Variants in ZC3H18 observed in about 807,000 individuals in gnomAD.
The protein encoded by ZC3H18 is zinc finger CCCH-type containing 18, also known as zinc finger CCCH domain-containing protein 18.
ZC3H18 carries 8 observed loss-of-function variants against 106.1 expected under a neutral mutation model. The ratio of observed to expected loss-of-function variants is 0.08; its 90% CI spans 0.04 to 0.14. The LOEUF (loss-of-function observed/expected upper bound fraction) is 0.14. Ranked by LOEUF, ZC3H18 falls within the 10% of genes least tolerant of loss-of-function variation. ZC3H18 has a pLI of 1.00. For synonymous variants in ZC3H18, 635 were observed against 522.1 expected, an observed-to-expected ratio of 1.22 and a Z score of -2.95; for missense variants, 1,318 against 1,278.4, an observed-to-expected ratio of 1.03 and a Z score of -0.47.
rs764360174 is a variant in ZC3H18 at position 88,599,772 on chromosome 16, TTTC to T, written c.931-13_931-11del. 6.2e-7 allele frequency: 1 copy of T among 1,601,284 alleles called. No homozygotes were observed. The highest frequency in any genetic ancestry group is 8.5e-7 in the Non-Finnish European group (1 of 1,175,582). On this transcript the variant is annotated splice_polypyrimidine_tract_variant and intron_variant, in intron 5 of 17. Coordinates refer to ENST00000301011, the MANE Select transcript of ZC3H18 (RefSeq NM_144604.4). ...CGGTATTCTGTTCCATGTTGACTTC[TTTC>T]TTCTTACAATGGTAGGTTTTAAAAA... is the stretch of plus-strand genomic sequence containing the variant.
At position 88,591,012 on chromosome 16, in the gene ZC3H18, C is replaced by G. The variant is rs558913858; in HGVS notation, c.688+4328C>G. Among the ~76,000 whole-genome samples, 12 of 151,106 alleles carry G rather than the reference C, an allele frequency of 7.9e-5. No homozygotes were observed. In the South Asian group the frequency reaches 1.9e-3, roughly 24 times the overall value. ...TTGAGATGGAGTCTTGCTCTGTCAC[C>G]CAGGCTGGAGTGCAGTGGCACCATC... is the stretch of plus-strand genomic sequence containing the variant. On this transcript the variant is annotated intron_variant, in intron 3 of 17. Transcript: ENST00000301011.
chr16:88,582,569 T>C (rs72809427), intron 2 of ZC3H18, among the ~76,000 whole-genome samples: 2,481 of 152,276 alleles, frequency 0.016, 40 homozygotes, highest in Admixed American at 0.031. Context: ...TCCGTGTCAC[T>C]GATAAGGTGC....
intron 3 of ZC3H18, among the ~76,000 whole-genome samples, chr16:88,595,391 A>G (rs6500480): frequency 0.016 from 2,358 of 151,820 alleles, 66 homozygotes; most frequent in African/African-American, 0.054. Flanking sequence ...ATCACAATCC[A>G]CATAAATTTT....
At chr16:88,584,831 A>C (rs1915342392) in intron 2 of ZC3H18, among the ~76,000 whole-genome samples, 1 of 152,144 alleles carries the variant, frequency 6.6e-6, no homozygotes, top group Non-Finnish European at 1.5e-5. Context: ...GCTACATCTG[A>C]TCTAGTTTGT....
At chr16:88,619,288 A>G (rs1905812374) in intron 8 of ZC3H18, among the ~76,000 whole-genome samples, 1 of 152,204 alleles carries the variant, frequency 6.6e-6, no homozygotes, top group Non-Finnish European at 1.5e-5. Flanking sequence ...AAAAGAAAAA[A>G]GGAAAAAAAT....
chr16:88,617,967 A>G (rs996584351), intron 8 of ZC3H18, among the ~76,000 whole-genome samples: 1 of 152,254 alleles, frequency 6.6e-6, no homozygotes, highest in Non-Finnish European at 1.5e-5. Flanking sequence ...TGACTCCCCT[A>G]GAAAGGTTAA....
intron 2 of ZC3H18, among the ~76,000 whole-genome samples, chr16:88,580,913 C>G (rs1275633060): frequency 6.6e-6 from 1 of 152,230 alleles, no homozygotes; most frequent in South Asian, 2.1e-4. Flanking sequence ...AAGAATTACT[C>G]TCTTTGGCCT....
chr16:88,570,879 A>G (rs1003487729), intron 1 of ZC3H18, among the ~76,000 whole-genome samples: 1 of 152,160 alleles, frequency 6.6e-6, no homozygotes. Context: ...CTTCCGGGCC[A>G]CTCGCGTGGC....
At chr16:88,594,583 G>A (rs1439741870) in intron 3 of ZC3H18, among the ~76,000 whole-genome samples, 1 of 152,120 alleles carries the variant, frequency 6.6e-6, no homozygotes, top group Non-Finnish European at 1.5e-5. Context: ...TTCCCTTTCT[G>A]TAGTTACATT....
intron 3 of ZC3H18, among the ~76,000 whole-genome samples, chr16:88,590,597 C>G (rs146926336): frequency 9.8e-6 from 1 of 102,028 alleles, no homozygotes; most frequent in Non-Finnish European, 1.8e-5. Context: ...GTGTCTCGCT[C>G]TGTCACCCGG....
chr16:88,630,303 C>G lies in ZC3H18; in HGVS notation c.2567-182C>G. 4 of 549,330 alleles carry G rather than the reference C, an allele frequency of 7.3e-6. No individual in the cohort carries two copies. In the South Asian group the frequency reaches 9.6e-5, roughly 13 times the overall value. 34.0% of individuals were successfully genotyped at this position (549,330 alleles called of 1,614,324 possible). A position where few individuals can be genotyped will look rare whatever the true frequency, so the allele number is the denominator to read the frequency against. ...TTGGCCTCAGCCTCATTTCCAGATG[C>G]CTTGGTGCCCACATCTCTCTTCTCC... On this transcript the variant is annotated intron_variant, in intron 16 of 17. Transcript: ENST00000301011.
At chr16:88,614,949 C>T (rs1167226037) in intron 8 of ZC3H18, among the ~76,000 whole-genome samples, 3 of 152,182 alleles carry the variant, frequency 2.0e-5, no homozygotes, top group Admixed American at 6.5e-5. Context: ...ATTCCGTCTG[C>T]CTGGACGGGC....
At chr16:88,606,641 A>G (rs1033215485) in intron 6 of ZC3H18, among the ~76,000 whole-genome samples, 1 of 152,170 alleles carries the variant, frequency 6.6e-6, no homozygotes. Flanking sequence ...TTTTTTGTAG[A>G]GACGGTGTCT....
At chr16:88,614,095 C>G (rs895949222) in intron 8 of ZC3H18, among the ~76,000 whole-genome samples, 2 of 152,240 alleles carry the variant, frequency 1.3e-5, no homozygotes, top group African/African-American at 4.8e-5. Flanking sequence ...ACTTCCCAGT[C>G]AGGAGTCTGT....
Position 88,600,434 on chromosome 16 carries a change from G to A in ZC3H18, c.1088+486G>A, listed in dbSNP as rs372048172. Among the ~76,000 whole-genome samples the A allele has an allele frequency of 1.1e-4, 16 of 152,232 alleles. No individual in the cohort carries two copies. The South Asian group carries it at 3.3e-3, about 32-fold the overall frequency. On this transcript the variant is annotated intron_variant, in intron 6 of 17. Coordinates refer to ENST00000301011, the MANE Select transcript of ZC3H18 (RefSeq NM_144604.4). The stretch of plus-strand genomic sequence containing the variant: ...TTGTTTTTTGGTTTTTTTTCCCGAG[G>A]CAGAGTCTTGCTCTGTCGCCCAAGC...
chr16:88,628,902 G>A, intron 16 of ZC3H18, 48 bp downstream of exon 16: 2 of 1,602,994 alleles, frequency 1.2e-6, no homozygotes, highest in African/African-American at 1.3e-5. Context: ...CGGGAGCCTG[G>A]GGATGCGGAG....
intron 2 of ZC3H18, among the ~76,000 whole-genome samples, chr16:88,578,425 T>C (rs981681556): frequency 1.3e-5 from 2 of 152,086 alleles, no homozygotes; most frequent in Non-Finnish European, 2.9e-5. Flanking sequence ...AAACTATGAG[T>C]GTTTCGGGAG....
chr16:88,600,161 C>T (rs1196459795), intron 6 of ZC3H18, among the ~76,000 whole-genome samples: 1 of 152,182 alleles, frequency 6.6e-6, no homozygotes, highest in East Asian at 1.9e-4. Flanking sequence ...GGCTCTGTGC[C>T]ATGGGCCTTG....
At chr16:88,604,351 C>CAA (rs34989965) in intron 6 of ZC3H18, among the ~76,000 whole-genome samples, 1 of 133,740 alleles carries the variant, frequency 7.5e-6, no homozygotes, top group Non-Finnish European at 1.6e-5. Flanking sequence ...ACTCTTTCTC[C>CAA]AAAAAAAAAA....
Sources: gnomAD v4.1 joint callset for allele counts (sites outside exome capture counted in the v4.1 genomes callset) on GRCh38, gnomAD v4.1.1 for gene constraint, MANE v1.5 for transcripts, NCBI Gene and HGNC (gene_info 2026-07-23, HGNC 2026-07-21) for gene names.